The following MAPT variants were observed in gnomAD, a reference collection of about 807,000 sequenced individuals.
MAPT encodes the protein microtubule associated protein tau, also known as microtubule-associated protein tau.
In MAPT, 34 loss-of-function variants were observed where a neutral mutation model predicts 67.9. The ratio of observed to expected loss-of-function variants is 0.50; its 90% CI spans 0.38 to 0.67. MAPT has a LOEUF of 0.67. Ranked by LOEUF, MAPT falls within the 30% of genes least tolerant of loss-of-function variation. The probability of loss-of-function intolerance (pLI) is 0.00; values close to 1 mark genes in which losing one functional copy is unlikely to be tolerated. For synonymous variants in MAPT, 456 were observed against 464.5 expected (o/e 0.98, Z 0.23); for missense variants, 881 against 1,115.2 (o/e 0.79, Z 2.99).
intron 5 of MAPT, 99 bp from the exon 6 acceptor site, chr17:45,986,941 C>T (rs1340830940): frequency 1.9e-6 from 2 of 1,041,632 alleles, no homozygotes. Context: ...ACTAAACAAA[C>T]ATGGACCTAT....
intron 8 of MAPT, chr17:45,994,042 T>C: frequency 6.8e-7 from 1 of 1,476,578 alleles, no homozygotes; most frequent in African/African-American, 1.4e-5. Context: ...CACTGGCTTG[T>C]GTTTCTAGAG....
chr17:45,989,650 C>CA (rs1233017498), intron 6 of MAPT, among the ~76,000 whole-genome samples: 1 of 151,932 alleles, frequency 6.6e-6, no homozygotes, highest in African/African-American at 2.4e-5. Flanking sequence ...GACTCCGTCT[C>CA]AAAAAAGAAA....
intron 1 of MAPT, among the ~76,000 whole-genome samples, chr17:45,920,312 C>T (rs566079830): frequency 6.6e-6 from 1 of 152,330 alleles, no homozygotes; most frequent in South Asian, 2.1e-4. Context: ...AAGGCTGTGA[C>T]AGCTAACATG....
rs966478296 is a variant in MAPT at position 45,996,760 on chromosome 17, G to A, written c.1998+96G>A. 10 of 1,521,002 alleles carry A rather than the reference G, an allele frequency of 6.6e-6. No homozygotes were observed. In the African/African-American group the frequency reaches 8.3e-5, roughly 13 times the overall value. The allele number at this position is 1,521,002 out of a possible 1,614,324, so 94.2% of individuals were successfully genotyped here. ...GTAGGGCTGCGCCTGGAGGTGCGCG[G>A]TTGAGCGTGGAGTCGTGGGACTGTG... On this transcript the variant is annotated intron_variant, in intron 9 of 12. Transcript: ENST00000262410. The surrounding 1 kb of genome is among the most constrained non-coding windows in gnomAD (Gnocchi z 4.5).
At chr17:46,009,096 G>A (rs1260373838) in intron 9 of MAPT, among the ~76,000 whole-genome samples, 1 of 152,156 alleles carries the variant, frequency 6.6e-6, no homozygotes, top group Non-Finnish European at 1.5e-5. Flanking sequence ...CTACTTGGGA[G>A]GCTGAAGTAG....
At chr17:46,018,776 C>A in intron 12 of MAPT, 46 bp downstream of exon 12, 2 of 1,348,044 alleles carry the variant, frequency 1.5e-6, no homozygotes, top group Non-Finnish European at 2.1e-6. Context: ...GGTATATGGG[C>A]ATTAATCAAG....
At chr17:45,936,606 G>A (rs959838772) in intron 1 of MAPT, among the ~76,000 whole-genome samples, 5 of 152,022 alleles carry the variant, frequency 3.3e-5, no homozygotes, top group East Asian at 3.8e-4. Context: ...TTTTTTGTTC[G>A]TTAATAATAG....
intron 1 of MAPT, among the ~76,000 whole-genome samples, chr17:45,913,337 C>A (rs1293712764): frequency 2.0e-5 from 3 of 152,174 alleles, no homozygotes; most frequent in Non-Finnish European, 4.4e-5. Flanking sequence ...CAGAAAAGAC[C>A]TGCCCCCATG....
chr17:45,920,935 A>G (rs974566120), intron 1 of MAPT, among the ~76,000 whole-genome samples: 9 of 152,218 alleles, frequency 5.9e-5, no homozygotes, highest in African/African-American at 2.2e-4. Flanking sequence ...TGATTATTAC[A>G]TTTTAATGGC....
At chr17:45,994,551 G>A (rs1046425338) in intron 8 of MAPT, among the ~76,000 whole-genome samples, 4 of 152,168 alleles carry the variant, frequency 2.6e-5, no homozygotes, top group Admixed American at 6.5e-5. Flanking sequence ...CGCAGGGCAC[G>A]GTGGCTCACG....
At chr17:45,951,466 C>T (rs2069071195) in intron 1 of MAPT, among the ~76,000 whole-genome samples, 1 of 152,160 alleles carries the variant, frequency 6.6e-6, no homozygotes, top group Non-Finnish European at 1.5e-5. Flanking sequence ...TCCCCTGCCT[C>T]ACCCCCTCGC....
chr17:46,007,125 T>C (rs1305540636), intron 9 of MAPT, among the ~76,000 whole-genome samples: 1 of 151,888 alleles, frequency 6.6e-6, no homozygotes, highest in Non-Finnish European at 1.5e-5. Context: ...CCCACAAGTA[T>C]ATACACCTAC....
intron 1 of MAPT, among the ~76,000 whole-genome samples, chr17:45,903,824 A>ATATTATATATTT (rs1432670950): frequency 1.5e-3 from 2 of 1,312 alleles, no homozygotes; most frequent in South Asian, 0.042. Context: ...ATATAAATAT[A>ATATTATATATTT]TTATATATTA....
rs1433343413 is a variant in MAPT, at chr17:45,906,264, G to C, written c.-18+11578G>C. On this transcript the variant is annotated intron_variant, in intron 1 of 12. Transcript: ENST00000262410. The surrounding 1 kb of genome is among the most constrained non-coding windows in gnomAD (Gnocchi z 4.3). ...TCACGACCCTTGGATGGAATTTCCT[G>C]GGAGCTTTTCTGTTTTTTCTGGAGT... is the stretch of plus-strand genomic sequence containing the variant. Among the ~76,000 whole-genome samples, 1 of 152,134 alleles carries C rather than the reference G, an allele frequency of 6.6e-6. No individual in the cohort carries two copies. The highest frequency in any genetic ancestry group is 2.4e-5 in the African/African-American group (1 of 41,412).
intron 2 of MAPT, among the ~76,000 whole-genome samples, chr17:45,967,068 A>G (rs1452563379): frequency 6.6e-6 from 1 of 152,242 alleles, no homozygotes; most frequent in Non-Finnish European, 1.5e-5. Flanking sequence ...TAAGTGACAG[A>G]AGACAAGAAA....
intron 10 of MAPT, among the ~76,000 whole-genome samples, chr17:46,013,384 C>CA (rs1345539862): frequency 3.9e-5 from 6 of 152,262 alleles, no homozygotes; most frequent in African/African-American, 1.4e-4. Context: ...GCGTGCCCCC[C>CA]ACAGGGGAGC....
intron 1 of MAPT, 82 bp from the exon 2 acceptor site, chr17:45,962,239 G>A (rs2070510817): frequency 8.5e-7 from 1 of 1,178,792 alleles, no homozygotes; most frequent in Non-Finnish European, 1.2e-6. Context: ...CATGAACTGG[G>A]AGGAGAGGCT....
At chr17:45,929,416 A>G (rs2066649264) in intron 1 of MAPT, among the ~76,000 whole-genome samples, 1 of 152,268 alleles carries the variant, frequency 6.6e-6, no homozygotes, top group Admixed American at 6.5e-5. Context: ...GGTTATTTAT[A>G]TAATATAATT....
At chr17:45,993,631 C>T (rs2074245219) in intron 8 of MAPT, among the ~76,000 whole-genome samples, 1 of 152,224 alleles carries the variant, frequency 6.6e-6, no homozygotes, top group Non-Finnish European at 1.5e-5. Flanking sequence ...CCAGCCTAGT[C>T]TCGAACTCCT....
Sources: allele counts gnomAD v4.1 joint callset (sites outside exome capture counted in the v4.1 genomes callset), GRCh38; gene constraint gnomAD v4.1.1; non-coding constraint Gnocchi (gnomAD v3.1); transcripts MANE v1.5; gene names NCBI Gene and HGNC (gene_info 2026-07-23, HGNC 2026-07-21).